The following HNRNPM variants were observed in gnomAD, a reference collection of about 807,000 sequenced individuals.
The protein encoded by HNRNPM is heterogeneous nuclear ribonucleoprotein M, also known as CEA receptor.
A neutral mutation model predicts 73.1 loss-of-function variants in HNRNPM; 11 were observed. The ratio of observed to expected loss-of-function variants is 0.15; its 90% CI spans 0.09 to 0.25. The LOEUF (loss-of-function observed/expected upper bound fraction) is 0.25, where lower values mean the gene tolerates loss of function less well. HNRNPM is among the 10% of genes least tolerant of loss of function. The probability of loss-of-function intolerance (pLI) is 1.00; values close to 1 mark genes in which losing one functional copy is unlikely to be tolerated. For synonymous variants in HNRNPM, 407 were observed against 355.2 expected, an observed-to-expected ratio of 1.15 and a Z score of -1.64; for missense variants, 789 against 1,067.9, an observed-to-expected ratio of 0.74 and a Z score of 3.64.
rs751332390 is a variant in HNRNPM at position 8,462,542 on chromosome 19, A to G, written c.297A>G (p.Thr99=). Residue 99 remains threonine (T), a synonymous_variant, in exon 3 of 16, where the codon ACA becomes ACG. Coordinates refer to ENST00000325495, the MANE Select transcript of HNRNPM (RefSeq NM_005968.5). The surrounding 1 kb of genome is among the most constrained non-coding windows in gnomAD (Gnocchi z 4.5). ...DLVKEKVGEV[T]YVELLMDAEG... is the part of the protein sequence containing the mutation. ...ACTGATTTGTAGTTGGTGAGGTAAC[A>G]TACGTGGAGCTCTTAATGGACGCTG... The G allele has an allele frequency of 4.3e-6, 7 of 1,613,946 alleles. No individual in the cohort carries two copies. The highest frequency in any genetic ancestry group is 1.7e-5 in the Admixed American group (1 of 60,026).
chr19:8,454,011 C>G (rs1487450912), intron 1 of HNRNPM, among the ~76,000 whole-genome samples: 3 of 152,200 alleles, frequency 2.0e-5, no homozygotes, highest in African/African-American at 4.8e-5. Flanking sequence ...CAGGGTTGCT[C>G]AGACCCAAGT....
rs1013175983 is a variant in HNRNPM, at chr19:8,462,894, G to A, written c.336+313G>A. ...TGTGAATTATGCATGGAATTTTAGC[G>A]GTGGTATAATTAATGTAAAACGTGT... On this transcript the variant is annotated intron_variant, in intron 3 of 15. Coordinates refer to ENST00000325495, the MANE Select transcript of HNRNPM (RefSeq NM_005968.5). The surrounding 1 kb of genome is among the most constrained non-coding windows in gnomAD (Gnocchi z 4.5). Among the ~76,000 whole-genome samples the A allele has an allele frequency of 2.6e-5, 4 of 152,146 alleles. No homozygotes were observed. Among genetic ancestry groups the A allele is most frequent in the Admixed American group, 1.3e-4 (2 of 15,274 alleles).
chr19:8,461,308 T>TTCC (rs1435873807), intron 2 of HNRNPM, among the ~76,000 whole-genome samples: 1 of 152,252 alleles, frequency 6.6e-6, no homozygotes, highest in East Asian at 1.9e-4. Flanking sequence ...AAAATTTTTC[T>TTCC]TCCTATAGCC....
chr19:8,476,797 G>A (rs1191948805), intron 12 of HNRNPM, among the ~76,000 whole-genome samples: 2 of 152,138 alleles, frequency 1.3e-5, no homozygotes, highest in Non-Finnish European at 2.9e-5. Flanking sequence ...GCAGACAGGT[G>A]GCAGGATGGA....
chr19:8,466,120 G>C (rs1445701563), intron 6 of HNRNPM, 115 bp from the exon 7 acceptor site: 7 of 1,031,848 alleles, frequency 6.8e-6, no homozygotes, highest in Admixed American at 2.5e-5. Context: ...TAGTTTTTGT[G>C]ACATTATTTC....
chr19:8,468,934 C>T, intron 9 of HNRNPM, 100 bp downstream of exon 9: 1 of 929,518 alleles, frequency 1.1e-6, no homozygotes, highest in Middle Eastern at 2.2e-4. Context: ...CCAGGTTAGC[C>T]CTCAGTTCTC....
intron 10 of HNRNPM, among the ~76,000 whole-genome samples, chr19:8,473,252 AAAAAC>A (rs1348048798): frequency 6.6e-6 from 1 of 152,066 alleles, no homozygotes. Flanking sequence ...CAAAAACAAA[AAAAAC>A]ACAAAAACCC....
chr19:8,471,372 C>T lies in HNRNPM; in HGVS notation c.942C>T (p.Pro314=), dbSNP rs151221154. 1.9e-5 allele frequency: 30 copies of T among 1,608,220 alleles called. No homozygotes were observed. The Middle Eastern group carries it at 4.9e-4, about 26-fold the overall frequency. The change falls in exon 10 of 16, where the codon CCC becomes CCT. Residue 314 remains proline, a synonymous_variant. Coordinates refer to ENST00000325495, the MANE Select transcript of HNRNPM (RefSeq NM_005968.5). The part of the protein sequence containing the change: ...IGMGLGPGGQ[P]IDANHLNKGI... ...TGGGGTTAGGACCAGGAGGGCAACCCATTGATGCCAATCACCTGAATAAAG... is the reference window on the plus strand; with the variant it reads ...TGGGGTTAGGACCAGGAGGGCAACCTATTGATGCCAATCACCTGAATAAAG...
At position 8,465,259 on chromosome 19, in the gene HNRNPM, C is replaced by T. The variant is rs578006927; in HGVS notation, c.439-65C>T. Reference sequence around the variant, plus strand: ...TTCTAAGTCTTGAGAATATCATTTACTGTGCAAGCATGGTTTGCGTTGTAC... The same window carrying T: ...TTCTAAGTCTTGAGAATATCATTTATTGTGCAAGCATGGTTTGCGTTGTAC... On this transcript the variant is annotated intron_variant, in intron 5 of 15. Coordinates refer to ENST00000325495, the MANE Select transcript of HNRNPM (RefSeq NM_005968.5). 6 of 1,225,882 alleles carry T rather than the reference C, an allele frequency of 4.9e-6. No individual in the cohort carries two copies. The South Asian group carries it at 9.6e-5, about 20-fold the overall frequency. The allele number at this position is 1,225,882 out of a possible 1,614,324, so 75.9% of individuals were successfully genotyped here. A position where few individuals can be genotyped will look rare whatever the true frequency, so the allele number is the denominator to read the frequency against.
intron 1 of HNRNPM, 89 bp downstream of exon 1, chr19:8,445,200 A>G: frequency 1.7e-6 from 2 of 1,177,094 alleles, no homozygotes; most frequent in Non-Finnish European, 2.2e-6. Flanking sequence ...TTGGCGGCCT[A>G]GCCCCGGCGC....
chr19:8,453,315 A>G (rs1349111687), intron 1 of HNRNPM, among the ~76,000 whole-genome samples: 2 of 151,550 alleles, frequency 1.3e-5, no homozygotes, highest in African/African-American at 2.4e-5. Context: ...TAATTTTTGT[A>G]TTTTTAGTAG....
In HNRNPM at chr19:8,486,116, T is replaced by G. The variant is rs920876925; in HGVS notation, c.1688T>G (p.Leu563Arg). ...TGLERMGANN[L>R]ERMGLERMGA... ...CTGGAGCGCATGGGCGCCAACAATC[T>G]GGAGCGGATGGGCCTGGAGCGCATG... Residue 563 changes from leucine to arginine, a missense_variant, in exon 14 of 16, where the codon CTG (leucine) becomes CGG (arginine). Physicochemically the swap from Leu to Arg is moderately radical, Grantham distance 102. Transcript: ENST00000325495. The G allele has an allele frequency of 1.2e-6, 2 of 1,605,116 alleles. No homozygotes were observed. Among genetic ancestry groups the G allele is most frequent in the Non-Finnish European group, 1.7e-6 (2 of 1,179,230 alleles).
chr19:8,456,614 C>A (rs543435033), intron 2 of HNRNPM, among the ~76,000 whole-genome samples: 1 of 152,208 alleles, frequency 6.6e-6, no homozygotes, highest in East Asian at 1.9e-4. Context: ...CAGAGATGCC[C>A]CGTGGATAGG....
At chr19:8,455,725 GT>G (rs375350473) in intron 2 of HNRNPM, 151 bp downstream of exon 2, 6,471 of 403,596 alleles carry the variant, frequency 0.016, no homozygotes, top group South Asian at 0.024. Context: ...CCCCACCTCA[GT>G]TTTTTTTTTT....
rs750616191 is a variant in HNRNPM at position 8,486,025 on chromosome 19, G to A, written c.1597G>A (p.Val533Met). ...ERMGLSMERM[V>M]PAGMGAGLER... ...CATGGGCCTGAGCATGGAGCGCATG[G>A]TGCCCGCAGGTATGGGAGCTGGCCT... The change falls in exon 14 of 16, where the codon GTG (valine) becomes ATG (methionine). Residue 533 changes from valine to methionine, a missense_variant. Val to Met is a conservative substitution (Grantham distance 21). Transcript: ENST00000325495. 1 of 1,606,760 alleles carries A rather than the reference G, an allele frequency of 6.2e-7. No homozygotes were observed. The highest frequency in any genetic ancestry group is 1.1e-5 in the South Asian group (1 of 91,058).
intron 1 of HNRNPM, among the ~76,000 whole-genome samples, chr19:8,452,652 C>T (rs1041842382): frequency 3.3e-5 from 5 of 152,116 alleles, no homozygotes; most frequent in Admixed American, 2.0e-4. Flanking sequence ...TCTGCCAGCC[C>T]GTGGGAAGGG....
chr19:8,468,616 A>G (rs1969919785), intron 8 of HNRNPM, among the ~76,000 whole-genome samples, 158 bp from the exon 9 acceptor site: 1 of 152,146 alleles, frequency 6.6e-6, no homozygotes, highest in African/African-American at 2.4e-5. Flanking sequence ...TAAAATAGGA[A>G]GCATGCTCCG....
rs140965813 is a variant in HNRNPM at position 8,486,078 on chromosome 19, C to T, written c.1650C>T (p.Arg550=). 9 of 1,606,366 alleles carry T rather than the reference C, an allele frequency of 5.6e-6. No individual in the cohort carries two copies. Among genetic ancestry groups the T allele is most frequent in the Non-Finnish European group, 6.8e-6 (8 of 1,179,534 alleles). Residue 550 remains arginine (R), a synonymous_variant, in exon 14 of 16, where the codon CGC becomes CGT. Transcript: ENST00000325495. The part of the protein sequence containing the change: ...GLERMGPVMD[R]MATGLERMGA... Reference sequence around the variant, plus strand: ...AGCGCATGGGCCCCGTGATGGATCGCATGGCCACCGGCCTGGAGCGCATGG... The same window carrying T: ...AGCGCATGGGCCCCGTGATGGATCGTATGGCCACCGGCCTGGAGCGCATGG...
At chr19:8,453,966 A>G (rs900657978) in intron 1 of HNRNPM, among the ~76,000 whole-genome samples, 2 of 152,204 alleles carry the variant, frequency 1.3e-5, no homozygotes, top group Non-Finnish European at 2.9e-5. Context: ...TTCTTTGCCA[A>G]AGGTGGGATT....
Sources: gnomAD v4.1 joint callset for allele counts (sites outside exome capture counted in the v4.1 genomes callset) on GRCh38, gnomAD v4.1.1 for gene constraint, Gnocchi (gnomAD v3.1) non-coding constraint, MANE v1.5 for transcripts, NCBI Gene and HGNC (gene_info 2026-07-23, HGNC 2026-07-21) for gene names.